Variants in PDK3 observed in about 807,000 individuals in gnomAD.
PDK3 encodes pyruvate dehydrogenase kinase 3, also known as pyruvate dehydrogenase kinase, isozyme 3.
In PDK3, 12 loss-of-function variants were observed where a neutral mutation model predicts 32.0. That is an observed-to-expected ratio of 0.37 (90% confidence interval 0.24 to 0.61). The LOEUF is 0.61. Among genes scored for constraint, PDK3 ranks in the 20% least tolerant of loss-of-function variants. PDK3 has a pLI of 0.65. For missense variants in PDK3, 188 were observed against 316.9 expected (o/e 0.59, Z 3.09); for synonymous variants, 122 against 116.3 (o/e 1.05, Z -0.31).
chrX:24,543,269 C>T (rs1490884097), exon 12 of PDK3, among the ~76,000 whole-genome samples: 1 of 110,771 alleles, frequency 9.0e-6, no homozygotes, highest in East Asian at 2.8e-4. Context: ...ATCTGTCCTT[C>T]ACAGTTATCT....
At chrX:24,466,229 C>T (rs1569216369) in intron 1 of PDK3, among the ~76,000 whole-genome samples, 2 of 111,595 alleles carry the variant, frequency 1.8e-5, no homozygotes, top group South Asian at 7.6e-4. Context: ...TCTCCCTGTC[C>T]GGTGGGCTGG....
At chrX:24,498,480 G>A (rs1921772289) in intron 2 of PDK3, among the ~76,000 whole-genome samples, 2 of 112,236 alleles carry the variant, frequency 1.8e-5, no homozygotes, top group Admixed American at 9.4e-5. Flanking sequence ...AAGTCCTCTA[G>A]CGAGTCTTTT....
chrX:24,549,415 G>C (rs549947398), exon 12 of PDK3: 11 of 112,423 alleles, frequency 9.8e-5, no homozygotes, highest in African/African-American at 3.2e-4. Context: ...TGAGTGGACA[G>C]TCAAGGCAAA....
intron 1 of PDK3, among the ~76,000 whole-genome samples, chrX:24,491,537 A>G (rs1364988043): frequency 9.0e-6 from 1 of 110,727 alleles, no homozygotes; most frequent in African/African-American, 3.3e-5. Flanking sequence ...GCATGATAAG[A>G]TATCGAGGGT....
intron 1 of PDK3, among the ~76,000 whole-genome samples, chrX:24,470,091 T>G (rs1341034755): frequency 8.9e-6 from 1 of 112,329 alleles, no homozygotes; most frequent in Non-Finnish European, 1.9e-5. Context: ...GATATCCATT[T>G]GCTATTTGTC....
At chrX:24,542,541 C>A (rs1922913722) in exon 12 of PDK3, among the ~76,000 whole-genome samples, 1 of 112,520 alleles carries the variant, frequency 8.9e-6, no homozygotes, top group Non-Finnish European at 1.9e-5. Context: ...GTATACTATT[C>A]CTCAAAGGGT....
chrX:24,491,931 G>A (rs1443260808), intron 1 of PDK3, among the ~76,000 whole-genome samples: 1 of 111,025 alleles, frequency 9.0e-6, no homozygotes, highest in African/African-American at 3.3e-5. Context: ...GTGAGACCCT[G>A]TCTCCAAAAG....
intron 1 of PDK3, among the ~76,000 whole-genome samples, chrX:24,472,619 A>T (rs1165282296): frequency 2.8e-5 from 3 of 108,776 alleles, no homozygotes; most frequent in East Asian, 2.9e-4. Context: ...TTTTTATGTT[A>T]ATGTGGCTAC....
Position 24,534,010 on chromosome X carries a change from G to A in PDK3, c.1159G>A (p.Asp387Asn). 3 of 1,210,120 alleles carry A rather than the reference G, an allele frequency of 2.5e-6. No individual in the cohort carries two copies. The highest frequency in any genetic ancestry group is 3.4e-6 in the Non-Finnish European group (3 of 894,607). ...CCATTACAAGACCACGCCTGAAGCCGATGATTGGAGCAATCCCAGCAGTGA... is the reference window on the plus strand; with the variant it reads ...CCATTACAAGACCACGCCTGAAGCCAATGATTGGAGCAATCCCAGCAGTGA... Reference protein sequence around the residue: ...WRHYKTTPEADDWSNPSSEPR... With the variant: ...WRHYKTTPEANDWSNPSSEPR... The change falls in exon 11 of 11, where the codon GAT becomes AAT. Residue 387 changes from aspartate to asparagine, a missense_variant. Coordinates refer to ENST00000379162, the MANE Select transcript of PDK3 (RefSeq NM_005391.5).
At chrX:24,533,121 T>C (rs1005081837) in intron 10 of PDK3, among the ~76,000 whole-genome samples, 3 of 106,422 alleles carry the variant, frequency 2.8e-5, no homozygotes, top group Non-Finnish European at 5.8e-5. Flanking sequence ...TTTTCTTTTT[T>C]TTTGTTTCTT....
intron 1 of PDK3, among the ~76,000 whole-genome samples, chrX:24,489,622 T>C (rs780728903): frequency 1.0e-5 from 1 of 99,032 alleles, no homozygotes; most frequent in African/African-American, 3.8e-5. Flanking sequence ...GAGGCGTAGG[T>C]TGCAGTGAGC....
At chrX:24,507,834 AG>A (rs958528955) in intron 5 of PDK3, among the ~76,000 whole-genome samples, 4 of 104,566 alleles carry the variant, frequency 3.8e-5, no homozygotes, top group African/African-American at 1.4e-4. Context: ...GCTTTGAGAG[AG>A]GTATTTAAAA....
At chrX:24,530,301 C>G (rs1354275868) in intron 9 of PDK3, among the ~76,000 whole-genome samples, 1 of 111,384 alleles carries the variant, frequency 9.0e-6, no homozygotes, top group Non-Finnish European at 1.9e-5. Context: ...GGGAAGGTAT[C>G]AAGGAGAGAT....
intron 3 of PDK3, among the ~76,000 whole-genome samples, chrX:24,501,126 A>G (rs969200220): frequency 2.7e-5 from 3 of 111,629 alleles, no homozygotes; most frequent in African/African-American, 9.8e-5. Flanking sequence ...GACTATTGAG[A>G]TAAGTAAAAA....
At chrX:24,516,395 G>A (rs1922255721) in intron 5 of PDK3, among the ~76,000 whole-genome samples, 1 of 111,814 alleles carries the variant, frequency 8.9e-6, no homozygotes. Context: ...GGACATAAAG[G>A]TTCATAGCAG....
intron 9 of PDK3, among the ~76,000 whole-genome samples, chrX:24,531,380 A>G (rs1432500427): frequency 8.9e-6 from 1 of 112,410 alleles, no homozygotes; most frequent in African/African-American, 3.2e-5. Context: ...CTTTTAAAAA[A>G]ATGATAAAAT....
intron 1 of PDK3, among the ~76,000 whole-genome samples, chrX:24,470,414 C>T (rs1334527420): frequency 9.0e-6 from 1 of 111,077 alleles, no homozygotes; most frequent in Non-Finnish European, 1.9e-5. Context: ...TGGCTAGGCG[C>T]GGTGGCTCAT....
chrX:24,507,557 AC>A (rs1316313331), intron 5 of PDK3, among the ~76,000 whole-genome samples: 1 of 112,078 alleles, frequency 8.9e-6, no homozygotes, highest in East Asian at 2.8e-4. Context: ...ATGCTAGTAC[AC>A]AGTAAAGGCT....
intron 5 of PDK3, among the ~76,000 whole-genome samples, chrX:24,515,112 A>G (rs1311890684): frequency 8.9e-6 from 1 of 112,420 alleles, no homozygotes; most frequent in Non-Finnish European, 1.9e-5. Flanking sequence ...CATTGTGTCC[A>G]AGGAATTTAC....
Sources: gnomAD v4.1 joint callset for allele counts (sites outside exome capture counted in the v4.1 genomes callset) on GRCh38, gnomAD v4.1.1 for gene constraint, MANE v1.5 for transcripts, NCBI Gene and HGNC (gene_info 2026-07-23, HGNC 2026-07-21) for gene names.